The following NHS variants were observed in gnomAD, a reference collection of about 807,000 sequenced individuals.
NHS encodes the protein NHS actin remodeling regulator.
NHS carries 5 observed loss-of-function variants against 72.5 expected under a neutral mutation model. That is an observed-to-expected ratio of 0.07 (90% CI 0.04 to 0.14). The LOEUF is 0.14. Among genes scored for constraint, NHS ranks in the 10% least tolerant of loss-of-function variants. NHS has a pLI of 1.00. For missense variants in NHS, 1,072 were observed against 1,355.7 expected, an observed-to-expected ratio of 0.79 and a Z score of 3.29; for synonymous variants, 464 against 547.7, an observed-to-expected ratio of 0.85 and a Z score of 2.13.
In NHS at chrX:17,375,687, T is replaced by G; in HGVS notation, c.-71T>G. The G allele has an allele frequency of 9.0e-7, 1 of 1,110,360 alleles. No individual in the cohort carries two copies. The highest frequency in any genetic ancestry group is 1.2e-6 in the Non-Finnish European group (1 of 834,071). 91.5% of individuals were successfully genotyped at this position (1,110,360 alleles called of 1,213,427 possible). On this transcript the variant is annotated 5_prime_UTR_variant, in exon 1 of 9. Coordinates refer to ENST00000676302, the MANE Select transcript of NHS (RefSeq NM_001291867.2). ...GACTCCTGCCCCCTCCCTGCTCAGG[T>G]GGGCGCGCCCGGTCTCCAGCTCACA...
chrX:17,714,893 G>GA (rs1185761063), intron 3 of NHS, among the ~76,000 whole-genome samples: 1 of 112,066 alleles, frequency 8.9e-6, no homozygotes, highest in Non-Finnish European at 1.9e-5. Flanking sequence ...AGATAATTTA[G>GA]AAAAAATATA....
rs754734070 is a variant in NHS at position 17,472,353 on chromosome X, G to A, written c.565+96031G>A. ...ACAGAGAGAGACAGAGACAGAGAGA[G>A]ACAGAGACAAGAGACATAGCTGGGC... On this transcript the variant is annotated intron_variant, in intron 1 of 8. Coordinates refer to ENST00000676302, the MANE Select transcript of NHS (RefSeq NM_001291867.2). Among the ~76,000 whole-genome samples, 24 of 110,897 alleles carry A rather than the reference G, an allele frequency of 2.2e-4. No homozygotes were observed. In the South Asian group the frequency reaches 9.4e-3, roughly 43 times the overall value.
At chrX:17,711,824 T>C (rs1986486560) in intron 3 of NHS, among the ~76,000 whole-genome samples, 1 of 111,991 alleles carries the variant, frequency 8.9e-6, no homozygotes, top group Non-Finnish European at 1.9e-5. Context: ...GAATATAAGA[T>C]TGCACAATCT....
chrX:17,522,223 A>C (rs989175694), intron 1 of NHS, among the ~76,000 whole-genome samples: 5 of 112,432 alleles, frequency 4.4e-5, no homozygotes, highest in Non-Finnish European at 7.5e-5. Flanking sequence ...CCTCCGAGTC[A>C]CCTGGAGCAA....
At chrX:17,690,488 G>C (rs985422722) in intron 2 of NHS, among the ~76,000 whole-genome samples, 2 of 112,408 alleles carry the variant, frequency 1.8e-5, no homozygotes, top group African/African-American at 6.5e-5. Flanking sequence ...AGGTGAGACT[G>C]TAAGGAGAGA....
chrX:17,469,696 C>G (rs756826334), intron 1 of NHS, among the ~76,000 whole-genome samples: 5 of 112,255 alleles, frequency 4.5e-5, no homozygotes, highest in Non-Finnish European at 7.5e-5. Context: ...GCAGTAGTGC[C>G]ATGGCGTGAT....
Position 17,376,250 on chromosome X carries a change from TG to T in NHS, c.496del (p.Ala166ArgfsTer30). The T allele has an allele frequency of 8.5e-7, 1 of 1,175,274 alleles. No homozygotes were observed. The highest frequency in any genetic ancestry group is 1.1e-6 in the Non-Finnish European group (1 of 882,476). On this transcript the variant is annotated frameshift_variant, in exon 1 of 9. Transcript: ENST00000676302. LOFTEE classifies it high-confidence loss of function. ...SDIQLTHRRV[W>X]ALQGKLGGVQ... ...CATCCAGCTCACCCACCGCCGCGTC[TG>T]GGCGCTGCAGGGCAAGCTCGGCGGC... is the stretch of plus-strand genomic sequence containing the variant.
intron 1 of NHS, among the ~76,000 whole-genome samples, chrX:17,432,089 C>G (rs777588759): frequency 8.9e-6 from 1 of 112,496 alleles, no homozygotes. Context: ...AGGATGACAG[C>G]TATGAAGCTA....
Position 17,627,751 on chromosome X carries a change from T to A in NHS, c.566-59991T>A, listed in dbSNP as rs774400639. ...TAATACAGTTTTGTTTTTACTAGGA[T>A]CCTCATGCAATCTTAGGTGAAGTGT... On this transcript the variant is annotated intron_variant, in intron 1 of 8. Coordinates refer to ENST00000676302, the MANE Select transcript of NHS (RefSeq NM_001291867.2). Among the ~76,000 whole-genome samples, 20 of 112,220 alleles carry A rather than the reference T, an allele frequency of 1.8e-4. No homozygotes were observed. The South Asian group carries it at 6.7e-3, about 38-fold the overall frequency.
At position 17,390,464 on chromosome X, in the gene NHS, T is replaced by C. The variant is rs908251856; in HGVS notation, c.565+14142T>C. 2.8e-5 allele frequency among the ~76,000 whole-genome samples: 3 copies of C among 108,503 alleles called. No individual in the cohort carries two copies. The South Asian group carries it at 1.2e-3, about 45-fold the overall frequency. The allele number at this position is 108,503 out of a possible 115,157, so 94.2% of individuals were successfully genotyped here. ...GATTCTAGAGATTAACTTCAAGAAGTGCATCATGAAGTGCAGCAGGAATAA... is the reference window on the plus strand; with the variant it reads ...GATTCTAGAGATTAACTTCAAGAAGCGCATCATGAAGTGCAGCAGGAATAA... On this transcript the variant is annotated intron_variant, in intron 1 of 8. Transcript: ENST00000676302.
chrX:17,535,332 T>C (rs931126316), intron 1 of NHS, among the ~76,000 whole-genome samples: 1 of 111,511 alleles, frequency 9.0e-6, no homozygotes, highest in Non-Finnish European at 1.9e-5. Flanking sequence ...CCAGGTCATC[T>C]AGAATCTCTG....
chrX:17,392,960 A>T (rs952060152), intron 1 of NHS, among the ~76,000 whole-genome samples: 1 of 112,080 alleles, frequency 8.9e-6, no homozygotes, highest in Non-Finnish European at 1.9e-5. Flanking sequence ...TGCCTTTTCT[A>T]TATCTAGATT....
chrX:17,391,702 A>G (rs183140093), intron 1 of NHS, among the ~76,000 whole-genome samples: 1 of 111,799 alleles, frequency 8.9e-6, no homozygotes, highest in East Asian at 2.8e-4. Context: ...TGCAAGAACA[A>G]TTTAGCATCT....
rs750449695 is a variant in NHS at position 17,589,912 on chromosome X, A to G, written c.566-97830A>G. Among the ~76,000 whole-genome samples the G allele has an allele frequency of 5.4e-5, 6 of 111,138 alleles. No homozygotes were observed. In the South Asian group the frequency reaches 2.3e-3, roughly 42 times the overall value. On this transcript the variant is annotated intron_variant, in intron 1 of 8. Coordinates refer to ENST00000676302, the MANE Select transcript of NHS (RefSeq NM_001291867.2). The stretch of plus-strand genomic sequence containing the variant: ...AAGATGGTATTGGATTGTGGTTTTG[A>G]TTTGCATTTCCCTGATCATCAGTGA...
intron 3 of NHS, among the ~76,000 whole-genome samples, chrX:17,696,572 C>T (rs763257408): frequency 1.7e-3 from 191 of 112,373 alleles, no homozygotes; most frequent in African/African-American, 6.1e-3. Flanking sequence ...GTAGTCTACA[C>T]AGCCTTTCTT....
At chrX:17,700,887 C>T (rs936499969) in intron 3 of NHS, among the ~76,000 whole-genome samples, 1 of 111,697 alleles carries the variant, frequency 9.0e-6, no homozygotes, top group Non-Finnish European at 1.9e-5. Flanking sequence ...CTACAGTATG[C>T]TACCCTTCAT....
chrX:17,464,086 G>A lies in NHS; in HGVS notation c.565+87764G>A, dbSNP rs758615401. On this transcript the variant is annotated intron_variant, in intron 1 of 8. Transcript: ENST00000676302. ...TTTTTAGGTTTATGGCTGGCTTTGG[G>A]GAAAAGGTGTTTTGGTTTCTATGAC... is the stretch of plus-strand genomic sequence containing the variant. Among the ~76,000 whole-genome samples the A allele has an allele frequency of 8.1e-5, 9 of 111,745 alleles. No homozygotes were observed. In the East Asian group the frequency reaches 2.5e-3, roughly 31 times the overall value.
chrX:17,474,850 T>C (rs150292709), intron 1 of NHS, among the ~76,000 whole-genome samples: 3,694 of 111,042 alleles, frequency 0.033, 162 homozygotes, highest in African/African-American at 0.12. Context: ...CAGCATCCAC[T>C]ATGACATCTC....
chrX:17,535,659 A>G (rs112755406), intron 1 of NHS, among the ~76,000 whole-genome samples: 8,633 of 111,091 alleles, frequency 0.078, 893 homozygotes, highest in African/African-American at 0.27. Context: ...CCTCACTGCA[A>G]CCTTGGACTC....
Sources: gnomAD v4.1 joint callset for allele counts (sites outside exome capture counted in the v4.1 genomes callset) on GRCh38, gnomAD v4.1.1 for gene constraint, MANE v1.5 for transcripts, NCBI Gene and HGNC (gene_info 2026-07-23, HGNC 2026-07-21) for gene names.